The following COL19A1 variants were observed in gnomAD, a reference collection of about 807,000 sequenced individuals.
COL19A1 encodes collagen alpha-1(XIX) chain.
Under a neutral mutation model 190.2 loss-of-function variants are expected in COL19A1, and 159 were observed. The ratio of observed to expected loss-of-function variants is 0.84; its 90% CI spans 0.73 to 0.95. The LOEUF (loss-of-function observed/expected upper bound fraction) is 0.95, where lower values mean the gene tolerates loss of function less well. Ranked by LOEUF, COL19A1 falls within the 40% of genes least tolerant of loss-of-function variation. The pLI is 0.00. For missense variants in COL19A1, 1,418 were observed against 1,431.9 expected, an observed-to-expected ratio of 0.99 and a Z score of 0.16; for synonymous variants, 509 against 458.9, an observed-to-expected ratio of 1.11 and a Z score of -1.39.
chr6:69,909,362 A>G (rs75121695), intron 4 of COL19A1, among the ~76,000 whole-genome samples: 3 of 152,166 alleles, frequency 2.0e-5, no homozygotes, highest in African/African-American at 7.2e-5. Flanking sequence ...GGGGCAAGAA[A>G]TGAAGACAGA....
intron 44 of COL19A1, among the ~76,000 whole-genome samples, chr6:70,184,191 T>C (rs1433640949): frequency 6.6e-6 from 1 of 152,196 alleles, no homozygotes; most frequent in Non-Finnish European, 1.5e-5. Context: ...AGGATCATGC[T>C]CTGGCCATGT....
In COL19A1 at chr6:70,158,495, G is replaced by T. The variant is rs150479239; in HGVS notation, c.2292+1772G>T. ...CATCTGTTTGGAAAATGAGAGAGAGGAGTTGCCTGCTTGTTTGTTACTCTT... is the reference window on the plus strand; with the variant it reads ...CATCTGTTTGGAAAATGAGAGAGAGTAGTTGCCTGCTTGTTTGTTACTCTT... On this transcript the variant is annotated intron_variant, in intron 34 of 50. Coordinates refer to ENST00000620364, the MANE Select transcript of COL19A1 (RefSeq NM_001858.6). Among the ~76,000 whole-genome samples, 475 of 152,092 alleles carry T rather than the reference G, an allele frequency of 3.1e-3. 2 individuals are homozygous for T. Among genetic ancestry groups the T allele is most frequent in the African/African-American group, 9.0e-3 (373 of 41,514 alleles).
chr6:69,876,455 TC>T (rs1274089930), intron 1 of COL19A1, among the ~76,000 whole-genome samples: 1 of 152,176 alleles, frequency 6.6e-6, no homozygotes, highest in Non-Finnish European at 1.5e-5. Context: ...ACTAAATTTT[TC>T]CAATTATTGT....
chr6:69,977,452 G>A (rs1173195887), intron 11 of COL19A1, among the ~76,000 whole-genome samples: 1 of 151,742 alleles, frequency 6.6e-6, no homozygotes, highest in Non-Finnish European at 1.5e-5. Flanking sequence ...GATAGCATTA[G>A]GAGATATACC....
At chr6:69,994,160 A>G (rs923511154) in intron 11 of COL19A1, among the ~76,000 whole-genome samples, 3 of 152,116 alleles carry the variant, frequency 2.0e-5, no homozygotes, top group Admixed American at 6.6e-5. Context: ...CTTCTCAGGC[A>G]GCAACTCAAA....
intron 36 of COL19A1, among the ~76,000 whole-genome samples, chr6:70,163,619 C>A (rs948086096): frequency 2.2e-4 from 33 of 152,054 alleles, no homozygotes; most frequent in African/African-American, 7.7e-4. Flanking sequence ...ATATTGGTTC[C>A]ATAAAACAAA....
At chr6:69,870,843 G>A (rs1481418968) in intron 1 of COL19A1, among the ~76,000 whole-genome samples, 3 of 152,186 alleles carry the variant, frequency 2.0e-5, no homozygotes, top group East Asian at 1.9e-4. Flanking sequence ...CAGTTTCAGC[G>A]AGGATGAGAA....
intron 12 of COL19A1, among the ~76,000 whole-genome samples, chr6:70,026,059 A>C (rs187784748): frequency 6.6e-6 from 1 of 152,362 alleles, no homozygotes; most frequent in Non-Finnish European, 1.5e-5. Context: ...GGAGCAAAAC[A>C]GAGTGTATTA....
In COL19A1 at chr6:69,921,127, TGTATC is replaced by T. The variant is rs1455374206; in HGVS notation, c.267-6781_267-6777del. ...TATTCATATACATATATATCACATA[TGTATC>T]ACATATATATCACATATGTATCACG... is the stretch of plus-strand genomic sequence containing the variant. On this transcript the variant is annotated intron_variant, in intron 4 of 50. Coordinates refer to ENST00000620364, the MANE Select transcript of COL19A1 (RefSeq NM_001858.6). 3.4e-3 allele frequency among the ~76,000 whole-genome samples: 400 copies of T among 116,694 alleles called. 3 individuals are homozygous for T. Among genetic ancestry groups the T allele is most frequent in the African/African-American group, 0.011 (326 of 29,804 alleles). The allele number at this position is 116,694 out of a possible 152,430, so 76.6% of individuals were successfully genotyped here.
At chr6:69,899,075 A>C in intron 3 of COL19A1, 53 bp downstream of exon 3, 1 of 1,127,776 alleles carries the variant, frequency 8.9e-7, no homozygotes, top group Non-Finnish European at 1.3e-6. Flanking sequence ...TTATCACCAA[A>C]TGCTAGATAT....
At chr6:70,042,796 A>G (rs111292901) in intron 14 of COL19A1, among the ~76,000 whole-genome samples, 3,777 of 152,300 alleles carry the variant, frequency 0.025, 79 homozygotes, top group Non-Finnish European at 0.035. Context: ...TCATTTCAAC[A>G]ATGTTTGCAG....
chr6:70,018,676 C>T (rs1311541131), intron 11 of COL19A1, among the ~76,000 whole-genome samples: 2 of 151,848 alleles, frequency 1.3e-5, no homozygotes, highest in South Asian at 4.1e-4. Flanking sequence ...ACAGGAGTGA[C>T]GGAATGGGGA....
chr6:70,184,681 T>C lies in COL19A1; in HGVS notation c.2776-22T>C, dbSNP rs1766394719. The C allele has an allele frequency of 3.8e-6, 6 of 1,570,654 alleles. No individual in the cohort carries two copies. The African/African-American group carries it at 6.8e-5, about 18-fold the overall frequency. ...CTATGTTAATGCAGAGTTAGAAATA[T>C]TAATCCTTTTTTTCTTTATAGGGAA... On this transcript the variant is annotated intron_variant, in intron 44 of 50. Transcript: ENST00000620364.
intron 11 of COL19A1, among the ~76,000 whole-genome samples, chr6:70,005,429 G>A (rs755525635): frequency 2.0e-5 from 3 of 151,976 alleles, no homozygotes; most frequent in East Asian, 3.9e-4. Context: ...GGGCTGCTAC[G>A]GTTTGCTCGG....
rs146036279 is a variant in COL19A1 at position 70,039,618 on chromosome 6, C to T, written c.1170+3679C>T. 3.8e-3 allele frequency among the ~76,000 whole-genome samples: 579 copies of T among 152,290 alleles called. 7 individuals are homozygous for T. The highest frequency in any genetic ancestry group is 0.02 in the Middle Eastern group (6 of 294). On this transcript the variant is annotated intron_variant, in intron 14 of 50. Coordinates refer to ENST00000620364, the MANE Select transcript of COL19A1 (RefSeq NM_001858.6). The stretch of plus-strand genomic sequence containing the variant: ...GAAGAGCTGAACACTTTTTCCCCCT[C>T]TAAGCCATACATTCTATATTTGCTT...
Position 70,151,431 on chromosome 6 carries a change from T to G in COL19A1, c.2072T>G (p.Leu691Trp). ...CCTCTCTTGGGAGACATCGGTGCTT[T>G]GCTCAAGGTACTCTATTGCTATGTA... ...ALPLLGDIGA[L>W]LKNFCGNCQA... Residue 691 changes from leucine (L) to tryptophan (W), a missense_variant, in exon 31 of 51, where the codon TTG becomes TGG. Physicochemically the swap from Leu to Trp is moderately conservative, Grantham distance 61 (BLOSUM62 -2). Coordinates refer to ENST00000620364, the MANE Select transcript of COL19A1 (RefSeq NM_001858.6). 6.2e-7 allele frequency: 1 copy of G among 1,612,798 alleles called. No individual in the cohort carries two copies. The highest frequency in any genetic ancestry group is 8.5e-7 in the Non-Finnish European group (1 of 1,179,122).
chr6:69,959,155 C>A (rs1016945580), intron 9 of COL19A1, among the ~76,000 whole-genome samples: 1 of 152,168 alleles, frequency 6.6e-6, no homozygotes, highest in Non-Finnish European at 1.5e-5. Flanking sequence ...ACAAACCAGA[C>A]TTGTCAAAGA....
chr6:70,065,859 T>C (rs1268860322), intron 14 of COL19A1, among the ~76,000 whole-genome samples: 2 of 152,232 alleles, frequency 1.3e-5, no homozygotes, highest in East Asian at 3.9e-4. Flanking sequence ...CATGAAAAAA[T>C]GCTCATCATC....
intron 1 of COL19A1, among the ~76,000 whole-genome samples, chr6:69,871,211 T>C (rs1056529511): frequency 6.6e-6 from 1 of 152,238 alleles, no homozygotes; most frequent in African/African-American, 2.4e-5. Flanking sequence ...TCAGCTGGTT[T>C]TCTCTAATAG....
Sources: allele counts gnomAD v4.1 joint callset (sites outside exome capture counted in the v4.1 genomes callset), GRCh38; gene constraint gnomAD v4.1.1; transcripts MANE v1.5; gene names NCBI Gene and HGNC (gene_info 2026-07-23, HGNC 2026-07-21).